EXOC6B: variants seen among roughly 807,000 people sequenced by gnomAD.
EXOC6B encodes the protein SEC15 homolog B.
In EXOC6B, 54 loss-of-function variants were observed where a neutral mutation model predicts 113.5. That is an observed-to-expected ratio of 0.48 (90% CI 0.38 to 0.60). The LOEUF (loss-of-function observed/expected upper bound fraction) is 0.60. EXOC6B is among the 20% of genes least tolerant of loss of function. EXOC6B has a pLI of 0.00. For missense variants in EXOC6B, 797 were observed against 977.5 expected (o/e 0.82, Z 2.46); for synonymous variants, 357 against 339.0 (o/e 1.05, Z -0.58).
At chr2:72,263,137 A>G (rs190306985) in intron 20 of EXOC6B, 7 of 152,332 alleles carry the variant, frequency 4.6e-5, no homozygotes, top group Admixed American at 6.5e-5. Context: ...AACTTGCCCT[A>G]TGAAATTAAC....
In EXOC6B at chr2:72,499,974, TAAAGTAAATA is replaced by T; in HGVS notation, c.1168-12_1168-3del. ...AAGGTTTGGATCAGAACAGTAAGAC[TAAAGTAAATA>T]AAAGACAAAGGAGGAAAAACATGTT... On this transcript the variant is annotated splice_region_variant and splice_polypyrimidine_tract_variant and intron_variant, in intron 11 of 21. Coordinates refer to ENST00000272427, the MANE Select transcript of EXOC6B (RefSeq NM_015189.3). The T allele has an allele frequency of 6.5e-7, 1 of 1,534,172 alleles. No homozygotes were observed. The highest frequency in any genetic ancestry group is 8.8e-7 in the Non-Finnish European group (1 of 1,132,698).
intron 1 of EXOC6B, among the ~76,000 whole-genome samples, chr2:72,797,201 T>C (rs1418720052): frequency 6.6e-6 from 1 of 152,210 alleles, no homozygotes; most frequent in East Asian, 1.9e-4. Context: ...ATTAATTTGG[T>C]CCTCTTCCTC....
intron 1 of EXOC6B, among the ~76,000 whole-genome samples, chr2:72,773,466 CA>C (rs1683523804): frequency 6.8e-6 from 1 of 146,604 alleles, no homozygotes. Flanking sequence ...AAAAAAAAGG[CA>C]ACTATGTGAG....
At chr2:72,631,489 G>T (rs13011523) in intron 6 of EXOC6B, among the ~76,000 whole-genome samples, 7 of 98,062 alleles carry the variant, frequency 7.1e-5, no homozygotes, top group South Asian at 3.7e-4. Flanking sequence ...GAGAGAGAGA[G>T]AGAGAGAGAG....
At chr2:72,665,687 G>A (rs1675338569) in intron 6 of EXOC6B, among the ~76,000 whole-genome samples, 1 of 152,176 alleles carries the variant, frequency 6.6e-6, no homozygotes, top group Non-Finnish European at 1.5e-5. Flanking sequence ...TAAAAGAGGT[G>A]TTTAACAAAG....
chr2:72,324,968 C>A (rs1282754090), intron 20 of EXOC6B, among the ~76,000 whole-genome samples: 1 of 152,132 alleles, frequency 6.6e-6, no homozygotes, highest in Non-Finnish European at 1.5e-5. Flanking sequence ...AGTCTCTGGA[C>A]TGACTGGGAT....
chr2:72,516,790 C>T (rs183820004), intron 8 of EXOC6B, among the ~76,000 whole-genome samples: 110 of 152,246 alleles, frequency 7.2e-4, no homozygotes, highest in African/African-American at 2.6e-3. Flanking sequence ...GAGATGCCAA[C>T]ATCATATGGT....
At chr2:72,215,036 T>C (rs2104401379) in intron 20 of EXOC6B, among the ~76,000 whole-genome samples, 1 of 152,306 alleles carries the variant, frequency 6.6e-6, no homozygotes, top group South Asian at 2.1e-4. Flanking sequence ...CTCTCATTAA[T>C]CATAAGAGTC....
At chr2:72,326,120 C>G (rs1436039471) in intron 20 of EXOC6B, among the ~76,000 whole-genome samples, 4 of 152,052 alleles carry the variant, frequency 2.6e-5, no homozygotes, top group Non-Finnish European at 5.9e-5. Context: ...TAGAAAGCTA[C>G]ACAGTGCAGT....
chr2:72,508,184 A>AAAAAACAAAAAAAAAC (rs923877882), intron 11 of EXOC6B, among the ~76,000 whole-genome samples: 1 of 89,114 alleles, frequency 1.1e-5, no homozygotes, highest in African/African-American at 6.7e-5. Flanking sequence ...AAAAAAAAAA[A>AAAAAACAAAAAAAAAC]ACACCTAAAA....
At chr2:72,468,463 A>C (rs1028816318) in intron 17 of EXOC6B, among the ~76,000 whole-genome samples, 2 of 152,120 alleles carry the variant, frequency 1.3e-5, no homozygotes, top group South Asian at 4.1e-4. Context: ...CTGACTGTAC[A>C]TGAGTAGGAT....
intron 1 of EXOC6B, among the ~76,000 whole-genome samples, chr2:72,789,317 T>C (rs1243071968): frequency 2.0e-5 from 3 of 152,150 alleles, no homozygotes; most frequent in African/African-American, 7.2e-5. Context: ...CTCCAAGCAA[T>C]AAATGCTAAT....
intron 18 of EXOC6B, among the ~76,000 whole-genome samples, chr2:72,421,629 A>C (rs1694870494): frequency 6.6e-6 from 1 of 152,242 alleles, no homozygotes; most frequent in Non-Finnish European, 1.5e-5. Context: ...TAAATGTTCT[A>C]ATATTTTTGT....
intron 20 of EXOC6B, among the ~76,000 whole-genome samples, chr2:72,215,866 G>T (rs1376018297): frequency 6.6e-6 from 1 of 152,074 alleles, no homozygotes; most frequent in Non-Finnish European, 1.5e-5. Context: ...AGCCTTAGGT[G>T]CTTCTGTCCT....
At chr2:72,357,245 T>C (rs1401946292) in intron 19 of EXOC6B, among the ~76,000 whole-genome samples, 5 of 152,208 alleles carry the variant, frequency 3.3e-5, no homozygotes, top group Non-Finnish European at 5.9e-5. Context: ...TTTATTATTG[T>C]TGTTGTTAAT....
chr2:72,230,102 G>T (rs926477419), intron 20 of EXOC6B, among the ~76,000 whole-genome samples: 1 of 152,040 alleles, frequency 6.6e-6, no homozygotes, highest in African/African-American at 2.4e-5. Flanking sequence ...AAAAAAAAAG[G>T]GTTCTGCAAC....
intron 20 of EXOC6B, among the ~76,000 whole-genome samples, chr2:72,198,562 T>C (rs1418393310): frequency 1.3e-5 from 2 of 152,204 alleles, no homozygotes; most frequent in East Asian, 3.8e-4. Context: ...AGCAAAGTAG[T>C]AGTAAGTACA....
intron 1 of EXOC6B, among the ~76,000 whole-genome samples, chr2:72,772,829 A>C (rs1683478475): frequency 6.6e-6 from 1 of 152,148 alleles, no homozygotes; most frequent in African/African-American, 2.4e-5. Context: ...AGGTACCTAC[A>C]TCTTCAAATG....
chr2:72,816,236 T>G (rs1686238454), intron 1 of EXOC6B, among the ~76,000 whole-genome samples: 1 of 150,760 alleles, frequency 6.6e-6, no homozygotes. Flanking sequence ...TGCATTATTT[T>G]TTCTGGCAAA....
Sources: allele counts gnomAD v4.1 joint callset (sites outside exome capture counted in the v4.1 genomes callset), GRCh38; gene constraint gnomAD v4.1.1; transcripts MANE v1.5; gene names NCBI Gene and HGNC (gene_info 2026-07-23, HGNC 2026-07-21).